The following TCF12 variants were observed in gnomAD, a reference collection of about 807,000 sequenced individuals.
TCF12 encodes the protein transcription factor 12.
A neutral mutation model predicts 86.0 loss-of-function variants in TCF12; 45 were observed. The ratio of observed to expected loss-of-function variants is 0.52; its 90% CI spans 0.41 to 0.67. The LOEUF (loss-of-function observed/expected upper bound fraction) is 0.67, where lower values mean the gene tolerates loss of function less well. Ranked by LOEUF, TCF12 falls within the 30% of genes least tolerant of loss-of-function variation. TCF12 has a pLI of 0.00. For missense variants in TCF12, 881 were observed against 859.9 expected (o/e 1.02, Z -0.31); for synonymous variants, 330 against 299.6 (o/e 1.10, Z -1.05).
chr15:56,950,415 G>A (rs1351677185), intron 3 of TCF12, among the ~76,000 whole-genome samples: 1 of 152,068 alleles, frequency 6.6e-6, no homozygotes, highest in African/African-American at 2.4e-5. Flanking sequence ...TAGTAGAGAC[G>A]AGGTTTCACC....
At chr15:57,061,185 G>A (rs1157559076) in intron 3 of TCF12, among the ~76,000 whole-genome samples, 1 of 152,162 alleles carries the variant, frequency 6.6e-6, no homozygotes, top group African/African-American at 2.4e-5. Context: ...GTCACTTGAT[G>A]AAAATTGAAT....
intron 3 of TCF12, among the ~76,000 whole-genome samples, chr15:56,965,594 A>G (rs2061966675): frequency 1.3e-5 from 2 of 152,206 alleles, no homozygotes. Context: ...GGAAATGGTA[A>G]TAAATATTCA....
chr15:57,199,334 G>A (rs1432610672), intron 8 of TCF12, among the ~76,000 whole-genome samples: 1 of 152,010 alleles, frequency 6.6e-6, no homozygotes, highest in East Asian at 1.9e-4. Flanking sequence ...AAAACTGACA[G>A]TACTGCTAAA....
At chr15:57,087,916 G>A (rs568255600) in intron 4 of TCF12, among the ~76,000 whole-genome samples, 8 of 152,176 alleles carry the variant, frequency 5.3e-5, no homozygotes, top group Middle Eastern at 3.4e-3. Flanking sequence ...AAAAAATCTC[G>A]TTTATCTTAG....
At chr15:57,001,012 A>G (rs202096340) in intron 3 of TCF12, among the ~76,000 whole-genome samples, 4 of 126,738 alleles carry the variant, frequency 3.2e-5, no homozygotes, top group Admixed American at 1.7e-4. Flanking sequence ...TTTAAAAAAA[A>G]TTTTTTTTTT....
At chr15:56,964,495 T>C (rs2061915025) in intron 3 of TCF12, among the ~76,000 whole-genome samples, 1 of 152,222 alleles carries the variant, frequency 6.6e-6, no homozygotes, top group Non-Finnish European at 1.5e-5. Context: ...CAGCCATTGC[T>C]CAAGATGTAT....
intron 8 of TCF12, among the ~76,000 whole-genome samples, chr15:57,224,741 T>C (rs1201807785): frequency 6.6e-6 from 1 of 152,154 alleles, no homozygotes; most frequent in Admixed American, 6.5e-5. Flanking sequence ...ATTTATCCCT[T>C]TTACAGAATT....
intron 4 of TCF12, among the ~76,000 whole-genome samples, chr15:57,068,667 TTAAC>T (rs1439187233): frequency 6.6e-6 from 1 of 152,108 alleles, no homozygotes; most frequent in African/African-American, 2.4e-5. Context: ...ATTTACTAGA[TTAAC>T]TAGGCTGGGA....
chr15:57,038,660 G>GA (rs1290305058), intron 3 of TCF12, among the ~76,000 whole-genome samples: 3 of 149,832 alleles, frequency 2.0e-5, no homozygotes, highest in Admixed American at 6.6e-5. Flanking sequence ...CTTGTAAGGT[G>GA]AAAAAAAAAG....
At chr15:56,995,231 C>CTTTTTTTGTTTTTT (rs2063646143) in intron 3 of TCF12, among the ~76,000 whole-genome samples, 1 of 30,282 alleles carries the variant, frequency 3.3e-5, no homozygotes, top group Non-Finnish European at 6.2e-5. Context: ...ATACCTGCAG[C>CTTTTTTTGTTTTTT]TTTTTTTTTT....
At chr15:57,111,586 CTT>C (rs1166862090) in intron 5 of TCF12, among the ~76,000 whole-genome samples, 37 of 115,442 alleles carry the variant, frequency 3.2e-4, no homozygotes, top group Middle Eastern at 4.4e-3. Flanking sequence ...GTTTGTTTAT[CTT>C]TTTTTTTTTT....
At chr15:56,975,971 T>C (rs2062574135) in intron 3 of TCF12, among the ~76,000 whole-genome samples, 1 of 151,546 alleles carries the variant, frequency 6.6e-6, no homozygotes, top group African/African-American at 2.4e-5. Context: ...AACTAATAGC[T>C]TGGCTAAAAA....
At chr15:57,143,149 GC>G (rs34779038) in intron 5 of TCF12, among the ~76,000 whole-genome samples, 27,364 of 136,300 alleles carry the variant, frequency 0.2, 2,957 homozygotes, top group Non-Finnish European at 0.25. Context: ...CCTATTACGT[GC>G]CCCCCCCCAC....
Position 57,274,804 on chromosome 15 carries a change from G to A in TCF12, c.1978+1542G>A, listed in dbSNP as rs28460343. ...AACAGGAGTACCAGAATTTATTCTAGTACACAGCACCTTTTCCTCCCATAG... is the reference window on the plus strand; with the variant it reads ...AACAGGAGTACCAGAATTTATTCTAATACACAGCACCTTTTCCTCCCATAG... On this transcript the variant is annotated intron_variant, in intron 19 of 20. Transcript: ENST00000333725. Among the ~76,000 whole-genome samples, 690 of 152,292 alleles carry A rather than the reference G, an allele frequency of 4.5e-3. 5 individuals carry two copies. Among genetic ancestry groups the A allele is most frequent in the African/African-American group, 0.016 (651 of 41,568 alleles).
chr15:57,229,240 A>C (rs1880444766), intron 8 of TCF12, among the ~76,000 whole-genome samples: 1 of 152,050 alleles, frequency 6.6e-6, no homozygotes. Context: ...TCTGCCTATC[A>C]GCCTGTACAA....
intron 3 of TCF12, among the ~76,000 whole-genome samples, chr15:56,994,536 A>G (rs2063605117): frequency 1.3e-5 from 2 of 151,978 alleles, no homozygotes; most frequent in Admixed American, 1.3e-4. Context: ...AATTAATCTG[A>G]AAACTAAAAA....
intron 4 of TCF12, 103 bp downstream of exon 4, chr15:57,063,926 T>G (rs1281480270): frequency 2.1e-6 from 2 of 963,706 alleles, no homozygotes; most frequent in Admixed American, 4.2e-5. Flanking sequence ...TAATTTCTTT[T>G]CATGGAAATG....
intron 3 of TCF12, among the ~76,000 whole-genome samples, chr15:57,049,111 G>A (rs1476629911): frequency 6.6e-6 from 1 of 152,102 alleles, no homozygotes; most frequent in Admixed American, 6.5e-5. Flanking sequence ...GGAGGGAGAG[G>A]TATAAAGGTC....
At chr15:57,027,470 A>G (rs2065891535) in intron 3 of TCF12, among the ~76,000 whole-genome samples, 1 of 152,212 alleles carries the variant, frequency 6.6e-6, no homozygotes, top group Non-Finnish European at 1.5e-5. Context: ...TCGTTGATGT[A>G]TATTTGGACC....
Sources: allele counts gnomAD v4.1 joint callset (sites outside exome capture counted in the v4.1 genomes callset), GRCh38; gene constraint gnomAD v4.1.1; transcripts MANE v1.5; gene names NCBI Gene and HGNC (gene_info 2026-07-23, HGNC 2026-07-21).